Variants in MACROD2 observed in about 807,000 individuals in gnomAD.
MACROD2 encodes mono-ADP ribosylhydrolase 2, also known as ADP-ribose glycohydrolase MACROD2.
MACROD2 carries 36 observed loss-of-function variants against 70.4 expected under a neutral mutation model. The ratio of observed to expected loss-of-function variants is 0.51; its 90% CI spans 0.39 to 0.68. The LOEUF is 0.68. Ranked by LOEUF, MACROD2 falls within the 30% of genes least tolerant of loss-of-function variation. The probability of loss-of-function intolerance (pLI) is 0.00; values close to 1 mark genes in which losing one functional copy is unlikely to be tolerated. For missense variants in MACROD2, 496 were observed against 538.4 expected (o/e 0.92, Z 0.78); for synonymous variants, 172 against 178.8 (o/e 0.96, Z 0.30).
chr20:14,768,250 C>T (rs143326361), intron 5 of MACROD2, among the ~76,000 whole-genome samples: 1,961 of 152,170 alleles, frequency 0.013, 47 homozygotes, highest in African/African-American at 0.045. Flanking sequence ...TTTACACTCC[C>T]ACCAGCAGTG....
At chr20:14,868,070 A>T (rs1276869710) in intron 5 of MACROD2, among the ~76,000 whole-genome samples, 10 of 152,080 alleles carry the variant, frequency 6.6e-5, no homozygotes, top group Admixed American at 6.6e-4. Flanking sequence ...TCCTAGAAAC[A>T]TATTAGCCAT....
chr20:14,517,287 C>A (rs776853199), intron 4 of MACROD2, among the ~76,000 whole-genome samples: 1 of 152,206 alleles, frequency 6.6e-6, no homozygotes, highest in Admixed American at 6.5e-5. Flanking sequence ...TGGAACCAAC[C>A]CAAATGCCCA....
At chr20:15,431,559 G>T (rs577004489) in intron 7 of MACROD2, 124 bp downstream of exon 7, 1 of 868,320 alleles carries the variant, frequency 1.2e-6, no homozygotes, top group Non-Finnish European at 1.8e-6. Flanking sequence ...GACTAAAAAT[G>T]CTCGTCAAAT....
intron 5 of MACROD2, among the ~76,000 whole-genome samples, chr20:14,922,103 A>G (rs2074171299): frequency 6.6e-6 from 1 of 152,174 alleles, no homozygotes; most frequent in Non-Finnish European, 1.5e-5. Flanking sequence ...ACCCGGTGAC[A>G]TTAAACAAAT....
chr20:14,291,857 A>T (rs1486089952), intron 3 of MACROD2, among the ~76,000 whole-genome samples: 1 of 151,892 alleles, frequency 6.6e-6, no homozygotes, highest in East Asian at 1.9e-4. Context: ...TACGTATCTT[A>T]GGTTGGATTC....
At chr20:15,095,064 CTTTTTTTTTTTTTTTTTTT>C (rs373794823) in intron 5 of MACROD2, among the ~76,000 whole-genome samples, 3 of 89,222 alleles carry the variant, frequency 3.4e-5, no homozygotes, top group African/African-American at 1.1e-4. Context: ...GTCTCCTCTT[CTTTTTTTTTTTTTTTTTTT>C]TTTTTTTTTT....
intron 8 of MACROD2, among the ~76,000 whole-genome samples, chr20:15,551,817 G>A (rs75828976): frequency 6.1e-5 from 9 of 147,644 alleles, no homozygotes; most frequent in East Asian, 4.0e-4. Context: ...TGCAGTGAGC[G>A]GAACTAGCAT....
intron 4 of MACROD2, chr20:14,554,410 G>C (rs1385507693): frequency 6.6e-6 from 1 of 152,114 alleles, no homozygotes; most frequent in Admixed American, 6.6e-5. Flanking sequence ...ATTTGCCAGG[G>C]CTGTGCAACC....
At chr20:15,532,502 G>A (rs372174734) in intron 8 of MACROD2, among the ~76,000 whole-genome samples, 14 of 152,046 alleles carry the variant, frequency 9.2e-5, no homozygotes, top group East Asian at 1.9e-4. Context: ...ACTTGGCACC[G>A]TCACTGAGGA....
intron 3 of MACROD2, among the ~76,000 whole-genome samples, chr20:14,165,693 A>G (rs901782393): frequency 6.6e-6 from 1 of 152,230 alleles, no homozygotes; most frequent in African/African-American, 2.4e-5. Flanking sequence ...CTTGTATAGC[A>G]GGGATATAGC....
At chr20:14,670,079 A>C (rs951989812) in intron 4 of MACROD2, among the ~76,000 whole-genome samples, 8 of 152,098 alleles carry the variant, frequency 5.3e-5, no homozygotes, top group African/African-American at 1.9e-4. Context: ...TTTTAAAAAA[A>C]GGTATGTTGC....
chr20:15,521,986 T>C (rs1362053559), intron 8 of MACROD2, among the ~76,000 whole-genome samples: 1 of 152,174 alleles, frequency 6.6e-6, no homozygotes. Flanking sequence ...GGTCAGCAGG[T>C]TTATTAACTG....
chr20:14,892,210 G>A lies in MACROD2; in HGVS notation c.418+207251G>A, dbSNP rs554825623. 8.3e-4 allele frequency among the ~76,000 whole-genome samples: 126 copies of A among 152,180 alleles called. 1 individual carries two copies. The highest frequency in any genetic ancestry group is 3.0e-3 in the African/African-American group (124 of 41,520). On this transcript the variant is annotated intron_variant, in intron 5 of 17. Transcript: ENST00000684519. ...AATGTGGGCTGGCATGGTGGCTCAC[G>A]CCTATAATCCCAGCACTTTGGGAGG...
At chr20:14,297,121 A>G (rs1376590178) in intron 3 of MACROD2, among the ~76,000 whole-genome samples, 1 of 151,842 alleles carries the variant, frequency 6.6e-6, no homozygotes, top group Non-Finnish European at 1.5e-5. Flanking sequence ...TAATCAATAA[A>G]TGTGTGTGTT....
intron 5 of MACROD2, among the ~76,000 whole-genome samples, chr20:14,947,115 G>A (rs560442290): frequency 6.6e-6 from 1 of 152,262 alleles, no homozygotes; most frequent in South Asian, 2.1e-4. Flanking sequence ...TGAGAATACG[G>A]CATATCTTAG....
intron 3 of MACROD2, among the ~76,000 whole-genome samples, chr20:14,207,017 G>A (rs925740265): frequency 1.3e-5 from 2 of 152,092 alleles, no homozygotes; most frequent in Admixed American, 6.5e-5. Flanking sequence ...AATATGCTGA[G>A]TTATTTTGTA....
intron 5 of MACROD2, among the ~76,000 whole-genome samples, chr20:14,775,024 G>A (rs1357448405): frequency 6.6e-6 from 1 of 152,094 alleles, no homozygotes; most frequent in Non-Finnish European, 1.5e-5. Flanking sequence ...ATTTGATTCT[G>A]TAAGAGTCTA....
chr20:14,512,503 T>G (rs949906955), intron 4 of MACROD2, among the ~76,000 whole-genome samples: 1 of 152,036 alleles, frequency 6.6e-6, no homozygotes, highest in Non-Finnish European at 1.5e-5. Context: ...AAAAGTAAAA[T>G]CAGTCAAGAA....
chr20:14,804,177 C>T (rs910384070), intron 5 of MACROD2, among the ~76,000 whole-genome samples: 1 of 152,014 alleles, frequency 6.6e-6, no homozygotes, highest in Non-Finnish European at 1.5e-5. Context: ...AAACCAAATA[C>T]AATTACATTT....
Sources: allele counts gnomAD v4.1 joint callset (sites outside exome capture counted in the v4.1 genomes callset), GRCh38; gene constraint gnomAD v4.1.1; transcripts MANE v1.5; gene names NCBI Gene and HGNC (gene_info 2026-07-23, HGNC 2026-07-21).